Variants in ATP1A3 observed in about 807,000 individuals in gnomAD.
ATP1A3 encodes ATPase Na+/K+ transporting subunit alpha 3.
ATP1A3 carries 12 observed loss-of-function variants against 108.8 expected under a neutral mutation model. The ratio of observed to expected loss-of-function variants is 0.11; its 90% CI spans 0.07 to 0.18. ATP1A3 has a LOEUF of 0.18. Ranked by LOEUF, ATP1A3 falls within the 10% of genes least tolerant of loss-of-function variation. ATP1A3 has a pLI of 1.00. For missense variants in ATP1A3, 498 were observed against 1,387.7 expected (o/e 0.36, Z 10.19); for synonymous variants, 539 against 564.5 (o/e 0.95, Z 0.64).
chr19:41,967,612 T>C lies in ATP1A3; in HGVS notation c.2921+50A>G. Reference sequence around the variant, plus strand: ...GTTCAGGCTGAGTCTAAGGGAAGGCTCCATGGCAGGCGCTGGTGTGGGCAG... The same window carrying C: ...GTTCAGGCTGAGTCTAAGGGAAGGCCCCATGGCAGGCGCTGGTGTGGGCAG... On this transcript the variant is annotated intron_variant, in intron 21 of 22. Coordinates refer to ENST00000648268, the MANE Select transcript of ATP1A3 (RefSeq NM_152296.5). The surrounding 1 kb of genome is among the most constrained non-coding windows in gnomAD (Gnocchi z 4.2). The C allele has an allele frequency of 6.3e-7, 1 of 1,587,814 alleles. No individual in the cohort carries two copies.
intron 8 of ATP1A3, chr19:41,984,156 C>G (rs2075263555): frequency 6.6e-6 from 1 of 152,178 alleles, no homozygotes; most frequent in Non-Finnish European, 1.5e-5. Flanking sequence ...GTCCTCCTGC[C>G]TCAGCCTCCC....
At position 41,970,693 on chromosome 19, in the gene ATP1A3, G is replaced by A. The variant is rs552301405; in HGVS notation, c.2264-151C>T. 1.8e-5 allele frequency: 17 copies of A among 947,230 alleles called. 1 individual carries two copies. The highest frequency in any genetic ancestry group is 8.7e-5 in the African/African-American group (5 of 57,414). 58.7% of individuals were successfully genotyped at this position (947,230 alleles called of 1,614,324 possible). A position where few individuals can be genotyped will look rare whatever the true frequency, so the allele number is the denominator to read the frequency against. ...GTTGCCCAGGCTGGAGTGCAGTGGT[G>A]CGATCTCGGCTCACTGCAGGCTCCG... On this transcript the variant is annotated intron_variant, in intron 16 of 22. Coordinates refer to ENST00000648268, the MANE Select transcript of ATP1A3 (RefSeq NM_152296.5).
Position 41,967,423 on chromosome 19 carries a change from G to A in ATP1A3, c.2922-83C>T. 1 of 1,469,764 alleles carries A rather than the reference G, an allele frequency of 6.8e-7. No homozygotes were observed. Among genetic ancestry groups the A allele is most frequent in the African/African-American group, 1.4e-5 (1 of 71,904 alleles). The allele number at this position is 1,469,764 out of a possible 1,614,324, so 91.0% of individuals were successfully genotyped here. On this transcript the variant is annotated intron_variant, in intron 21 of 22. Transcript: ENST00000648268. This position sits in a 1 kb window ranked among gnomAD's most constrained non-coding sequence, Gnocchi z 4.2. ...CAGGGGACTGGAGGGGACGCAGAGG[G>A]GCAGTCTCCCAGGATCCTTCGTGCT...
chr19:41,978,479 C>CCATT lies in ATP1A3; in HGVS notation c.1630+123_1630+126dup, dbSNP rs769321266. 4,627 of 1,482,044 alleles carry CCATT rather than the reference C, an allele frequency of 3.1e-3. 9 individuals are homozygous for CCATT. Among genetic ancestry groups the CCATT allele is most frequent in the Non-Finnish European group, 3.8e-3 (4,119 of 1,079,808 alleles). The allele number at this position is 1,482,044 out of a possible 1,614,324, so 91.8% of individuals were successfully genotyped here. A position where few individuals can be genotyped will look rare whatever the true frequency, so the allele number is the denominator to read the frequency against. On this transcript the variant is annotated intron_variant, in intron 12 of 22. Transcript: ENST00000648268. This position sits in a 1 kb window ranked among gnomAD's most constrained non-coding sequence, Gnocchi z 8.3. ...TAGGATACCTTCCCCTCTCATCCATCCATTCATTCATTCATTCATTCATTT... is the reference window on the plus strand; with the variant it reads ...TAGGATACCTTCCCCTCTCATCCATCCATTCATTCATTCATTCATTCATTCATTT...
At chr19:41,971,215 C>A (rs782130744) in intron 16 of ATP1A3, among the ~76,000 whole-genome samples, 1 of 151,628 alleles carries the variant, frequency 6.6e-6, no homozygotes, top group Non-Finnish European at 1.5e-5. Context: ...CTCAGCCTCC[C>A]GAAGTGCTGG....
At chr19:41,969,045 T>C in intron 19 of ATP1A3, 130 bp from the exon 20 acceptor site, 2 of 1,377,398 alleles carry the variant, frequency 1.5e-6, no homozygotes, top group South Asian at 1.2e-5. Context: ...AGGTGTGTCT[T>C]CCTTCTGCGG....
chr19:41,967,698 G>A lies in ATP1A3; in HGVS notation c.2885C>T (p.Pro962Leu). Residue 962 changes from proline (P) to leucine (L), a missense_variant, in exon 21 of 23, where the codon CCC (proline) becomes CTC (leucine). Pro to Leu is a moderately conservative substitution (Grantham distance 98). Around this residue, in one of 9 missense-constraint regions of ATP1A3, gnomAD observed 121 missense variants for 425.1 expected, o/e 0.28. Coordinates refer to ENST00000648268, the MANE Select transcript of ATP1A3 (RefSeq NM_152296.5). The surrounding 1 kb of genome is among the most constrained non-coding windows in gnomAD (Gnocchi z 4.2). The stretch of plus-strand genomic sequence containing the variant: ...CATGCGCAGGGCCACGTCCATGCCG[G>A]GGCAGTAGGACAGGAAGGCAGCCAG... Reference protein sequence around the residue: ...TALAAFLSYCPGMDVALRMYP... With the variant: ...TALAAFLSYCLGMDVALRMYP... 6.2e-7 allele frequency: 1 copy of A among 1,614,052 alleles called. No individual in the cohort carries two copies. Among genetic ancestry groups the A allele is most frequent in the Non-Finnish European group, 8.5e-7 (1 of 1,179,974 alleles).
rs375421119 is a variant in ATP1A3 at position 41,967,236 on chromosome 19, C to T, written c.3013+13G>A. On this transcript the variant is annotated intron_variant, in intron 22 of 22. Coordinates refer to ENST00000648268, the MANE Select transcript of ATP1A3 (RefSeq NM_152296.5). The surrounding 1 kb of genome is among the most constrained non-coding windows in gnomAD (Gnocchi z 4.2). ...CCCCCGCCCCCCTCGGCTGCCTTGC[C>T]GAGCTCCCTCACCCCCTGGGTTCCT... 1.4e-4 allele frequency: 234 copies of T among 1,614,040 alleles called. No homozygotes were observed. The highest frequency in any genetic ancestry group is 1.8e-4 in the Non-Finnish European group (208 of 1,179,996).
chr19:41,993,528 C>T lies in ATP1A3; in HGVS notation c.6+543G>A, dbSNP rs1000060590. On this transcript the variant is annotated intron_variant, in intron 1 of 22. Transcript: ENST00000648268. ...ACACACACACACACACACACACACA[C>T]ACACACACACACACACACACACTGC... 1.6e-4 allele frequency: 201 copies of T among 1,254,036 alleles called. 1 individual carries two copies. The East Asian group carries it at 4.8e-3, about 30-fold the overall frequency. The allele number at this position is 1,254,036 out of a possible 1,614,324, so 77.7% of individuals were successfully genotyped here.
intron 5 of ATP1A3, 44 bp downstream of exon 5, chr19:41,986,072 A>G: frequency 1.7e-5 from 27 of 1,614,074 alleles, no homozygotes; most frequent in Non-Finnish European, 2.3e-5. Flanking sequence ...CCCCCAGCCC[A>G]TACACTAACA....
intron 16 of ATP1A3, among the ~76,000 whole-genome samples, chr19:41,972,357 G>A (rs782141491): frequency 1.3e-5 from 2 of 151,900 alleles, no homozygotes; most frequent in African/African-American, 4.8e-5. Flanking sequence ...AGGAGGTCGA[G>A]GTTGCAGTGA....
Position 41,988,518 on chromosome 19 carries a change from C to T in ATP1A3, c.51G>A (p.Lys17=). 6.2e-7 allele frequency: 1 copy of T among 1,614,188 alleles called. No homozygotes were observed. Among genetic ancestry groups the T allele is most frequent in the Non-Finnish European group, 8.5e-7 (1 of 1,180,036 alleles). ...TGAGGTCATCCAGGTCCCGGCGCTC[C>T]TTGCCCTTGTTCTTCTTGGGTGAGT... The part of the protein sequence containing the change: ...DKDSPKKNKG[K]ERRDLDDLKK... The change falls in exon 2 of 23, where the codon AAG becomes AAA. Residue 17 remains lysine, a synonymous_variant. Transcript: ENST00000648268. The surrounding 1 kb of genome is among the most constrained non-coding windows in gnomAD (Gnocchi z 5.3).
Position 41,970,376 on chromosome 19 carries a change from G to T in ATP1A3, c.2418+12C>A, listed in dbSNP as rs1555859562. 1 of 1,614,226 alleles carries T rather than the reference G, an allele frequency of 6.2e-7. No individual in the cohort carries two copies. Among genetic ancestry groups the T allele is most frequent in the South Asian group, 1.1e-5 (1 of 91,088 alleles). On this transcript the variant is annotated intron_variant, in intron 17 of 22. Coordinates refer to ENST00000648268, the MANE Select transcript of ATP1A3 (RefSeq NM_152296.5). ...ACCCTCCTGGGCCCCAAGGGTGGCT[G>T]CCAGGGCTCACCATGTCAGTGCCCA... is the stretch of plus-strand genomic sequence containing the variant.
chr19:41,980,703 A>C (rs1427281444), intron 11 of ATP1A3, among the ~76,000 whole-genome samples: 2 of 152,090 alleles, frequency 1.3e-5, no homozygotes, highest in East Asian at 1.9e-4. Flanking sequence ...CGAGGTCAGG[A>C]GATCGAGACC....
rs371206313 is a variant in ATP1A3 at position 41,977,786 on chromosome 19, C to T, written c.1943+150G>A. ...CTCTGTGGCTGCAATGTCCCCACAC[C>T]GGAGGGAGGGCCAGACCCAGGGCCT... On this transcript the variant is annotated intron_variant, in intron 14 of 22. Coordinates refer to ENST00000648268, the MANE Select transcript of ATP1A3 (RefSeq NM_152296.5). 2.1e-4 allele frequency: 252 copies of T among 1,176,648 alleles called. No individual in the cohort carries two copies. The African/African-American group carries it at 2.6e-3, about 12-fold the overall frequency. The allele number at this position is 1,176,648 out of a possible 1,614,324, so 72.9% of individuals were successfully genotyped here. A position where few individuals can be genotyped will look rare whatever the true frequency, so the allele number is the denominator to read the frequency against.
At position 41,992,395 on chromosome 19, in the gene ATP1A3, C is replaced by CT. The variant is rs1555867787; in HGVS notation, c.6+1675_6+1676insA. Among the ~76,000 whole-genome samples, 466 of 152,246 alleles carry CT rather than the reference C, an allele frequency of 3.1e-3. 3 individuals are homozygous for CT. Among genetic ancestry groups the CT allele is most frequent in the African/African-American group, 0.011 (444 of 41,542 alleles). On this transcript the variant is annotated intron_variant, in intron 1 of 22. Transcript: ENST00000648268. ...GGGGACCATGCCTGTCTCGCTGTGGCCGCCTCTGCAGCTCCTTGCCATTTT... is the reference window on the plus strand; with the variant it reads ...GGGGACCATGCCTGTCTCGCTGTGGCTCGCCTCTGCAGCTCCTTGCCATTTT...
In ATP1A3 at chr19:41,978,515, C is replaced by T. The variant is rs1348120780; in HGVS notation, c.1630+91G>A. The T allele has an allele frequency of 1.3e-6, 2 of 1,557,922 alleles. No homozygotes were observed. Among genetic ancestry groups the T allele is most frequent in the East Asian group, 4.5e-5 (2 of 44,540 alleles). On this transcript the variant is annotated intron_variant, in intron 12 of 22. Coordinates refer to ENST00000648268, the MANE Select transcript of ATP1A3 (RefSeq NM_152296.5). The surrounding 1 kb of genome is among the most constrained non-coding windows in gnomAD (Gnocchi z 8.3). ...TTCATTCATTCATTTACAGTATATT[C>T]TGGGAGGCCCTGGGCTGAGACAGGC...
chr19:41,989,774 T>C (rs1456635081), intron 1 of ATP1A3, among the ~76,000 whole-genome samples: 3 of 152,144 alleles, frequency 2.0e-5, no homozygotes, highest in Non-Finnish European at 2.9e-5. Flanking sequence ...TCTCCATCTC[T>C]GTATCTCTGT....
chr19:41,992,751 ATCTCTGTCTTTCCATGTG>A (rs1355799579), intron 1 of ATP1A3, among the ~76,000 whole-genome samples: 1 of 151,298 alleles, frequency 6.6e-6, no homozygotes, highest in Non-Finnish European at 1.5e-5. Flanking sequence ...CTTTCAGAGC[ATCTCTGTCTTTCCATGTG>A]TCTCTGTCTT....
Sources: allele counts gnomAD v4.1 joint callset (sites outside exome capture counted in the v4.1 genomes callset), GRCh38; gene constraint gnomAD v4.1.1; regional missense constraint gnomAD v4.1.1; non-coding constraint Gnocchi (gnomAD v3.1); transcripts MANE v1.5; gene names NCBI Gene and HGNC (gene_info 2026-07-23, HGNC 2026-07-21).